The following CDS2 variants were observed in gnomAD, a reference collection of about 807,000 sequenced individuals.
CDS2 encodes the protein phosphatidate cytidylyltransferase 2.
CDS2 carries 47 observed loss-of-function variants against 59.0 expected under a neutral mutation model. That is an observed-to-expected ratio of 0.80 (90% CI 0.63 to 1.02). CDS2 has a LOEUF of 1.02. Among genes scored for constraint, CDS2 ranks in the 50% least tolerant of loss-of-function variants. CDS2 has a pLI of 0.00. For missense variants in CDS2, 356 were observed against 558.9 expected (o/e 0.64, Z 3.66); for synonymous variants, 207 against 206.4 (o/e 1.00, Z -0.02).
chr20:5,186,230 CCTT>C (rs1367400430), intron 9 of CDS2, among the ~76,000 whole-genome samples: 1 of 152,216 alleles, frequency 6.6e-6, no homozygotes, highest in African/African-American at 2.4e-5. Flanking sequence ...GGCCAGTCCT[CCTT>C]CTTCAGCACT....
intron 8 of CDS2, among the ~76,000 whole-genome samples, chr20:5,185,452 G>C (rs1387507750): frequency 6.6e-6 from 1 of 152,168 alleles, no homozygotes; most frequent in South Asian, 2.1e-4. Context: ...TATTTTTACA[G>C]ATTTATATAA....
chr20:5,138,690 T>G (rs78278122), intron 1 of CDS2, among the ~76,000 whole-genome samples: 11,235 of 151,892 alleles, frequency 0.074, 476 homozygotes, highest in Middle Eastern at 0.16. Context: ...TTCACCACAC[T>G]GGCCAGGCTG....
intron 1 of CDS2, among the ~76,000 whole-genome samples, chr20:5,163,791 CTTTT>C (rs397866016): frequency 8.3e-5 from 4 of 47,934 alleles, no homozygotes; most frequent in Admixed American, 1.7e-4. Context: ...TTCTTTCTTT[CTTTT>C]TTTTTTTTTT....
chr20:5,138,446 T>G (rs1318277790), intron 1 of CDS2, among the ~76,000 whole-genome samples: 1 of 152,152 alleles, frequency 6.6e-6, no homozygotes. Context: ...TCTGTTCTAT[T>G]TGTCTGGGTG....
chr20:5,151,552 A>G lies in CDS2; in HGVS notation c.58-21971A>G, dbSNP rs145172601. On this transcript the variant is annotated intron_variant, in intron 1 of 12. Transcript: ENST00000460006. ...GAAGTGGGAGGATTGCTTAAGCCCA[A>G]GAGTTCGAGTCCAGCTTGGTAAGAT... 2.6e-5 allele frequency among the ~76,000 whole-genome samples: 4 copies of G among 152,204 alleles called. No homozygotes were observed. In the East Asian group the frequency reaches 7.7e-4, roughly 29 times the overall value.
chr20:5,170,719 CACTT>C (rs1482906664), intron 1 of CDS2, among the ~76,000 whole-genome samples: 1 of 152,240 alleles, frequency 6.6e-6, no homozygotes, highest in African/African-American at 2.4e-5. Context: ...TGGAGTTACT[CACTT>C]AAAGGTAGCA....
intron 1 of CDS2, among the ~76,000 whole-genome samples, chr20:5,131,092 TA>T (rs1049352468): frequency 0.021 from 2,192 of 105,056 alleles, 30 homozygotes; most frequent in African/African-American, 0.049. Flanking sequence ...GACTCTGTCT[TA>T]AAAAAAAAAA....
At chr20:5,147,729 C>CT (rs1363797514) in intron 1 of CDS2, among the ~76,000 whole-genome samples, 1 of 149,540 alleles carries the variant, frequency 6.7e-6, no homozygotes, top group South Asian at 2.1e-4. Flanking sequence ...TTTTTTCTTT[C>CT]TTTTTTTGTT....
intron 1 of CDS2, among the ~76,000 whole-genome samples, chr20:5,134,525 C>T (rs1349452655): frequency 6.6e-6 from 1 of 151,738 alleles, no homozygotes; most frequent in Non-Finnish European, 1.5e-5. Context: ...TTTTATTTAT[C>T]TATTTATTTT....
rs1379316063 is a variant in CDS2 at position 5,144,838 on chromosome 20, G to A, written c.57+17689G>A. The stretch of plus-strand genomic sequence containing the variant: ...GTTTCCAACTGTGTTGGCTTGATCC[G>A]GTCCTTTCCCCTCTGGCTTGCAGAA... On this transcript the variant is annotated intron_variant, in intron 1 of 12. Transcript: ENST00000460006. Among the ~76,000 whole-genome samples the A allele has an allele frequency of 2.6e-5, 4 of 152,130 alleles. No individual in the cohort carries two copies. The East Asian group carries it at 7.7e-4, about 29-fold the overall frequency.
At chr20:5,161,038 C>T (rs2090873036) in intron 1 of CDS2, among the ~76,000 whole-genome samples, 1 of 152,032 alleles carries the variant, frequency 6.6e-6, no homozygotes, top group Admixed American at 6.5e-5. Context: ...TCTTTGAGTC[C>T]CTGCCCTCAG....
In CDS2 at chr20:5,194,316, G is replaced by C. The variant is rs1600525225; in HGVS notation, c.*4082G>C. The C allele has an allele frequency of 3.3e-5, 5 of 152,402 alleles. No individual in the cohort carries two copies. Among genetic ancestry groups the C allele is most frequent in the African/African-American group, 1.2e-4 (5 of 41,572 alleles). 9.4% of individuals were successfully genotyped at this position (152,402 alleles called of 1,614,324 possible). On this transcript the variant is annotated 3_prime_UTR_variant, in exon 13 of 13. Transcript: ENST00000460006. ...TGCCACAACCTGCATGGGGTGCTAG[G>C]GTTTAAACCAAGTGGTCACGAAGGA...
At position 5,195,011 on chromosome 20, in the gene CDS2, G is replaced by A. The variant is rs2091146131; in HGVS notation, c.*4777G>A. The A allele has an allele frequency of 6.6e-6, 1 of 152,266 alleles. No homozygotes were observed. The highest frequency in any genetic ancestry group is 1.5e-5 in the Non-Finnish European group (1 of 68,086). The allele number at this position is 152,266 out of a possible 1,614,324, so 9.4% of individuals were successfully genotyped here. On this transcript the variant is annotated 3_prime_UTR_variant, in exon 13 of 13. Coordinates refer to ENST00000460006, the MANE Select transcript of CDS2 (RefSeq NM_003818.4). ...GGCAGTATGACTGAGGCCGAGAGCA[G>A]TGGTTAAGACAGACTTTGGGATCAA...
intron 1 of CDS2, among the ~76,000 whole-genome samples, chr20:5,144,264 C>T (rs898917374): frequency 1.3e-5 from 2 of 152,094 alleles, no homozygotes; most frequent in Non-Finnish European, 2.9e-5. Context: ...CTTTAATGAA[C>T]TGTATTATCA....
intron 1 of CDS2, among the ~76,000 whole-genome samples, chr20:5,142,963 C>T (rs1202581393): frequency 6.6e-6 from 1 of 152,116 alleles, no homozygotes; most frequent in Non-Finnish European, 1.5e-5. Context: ...CTGCCTTTGC[C>T]TCCCTAATAG....
At chr20:5,163,779 ATTTCTTTC>A (rs1318962199) in intron 1 of CDS2, among the ~76,000 whole-genome samples, 2 of 145,496 alleles carry the variant, frequency 1.4e-5, no homozygotes, top group South Asian at 4.3e-4. Context: ...GGCTTTCATA[ATTTCTTTC>A]TTTCTTTTTT....
At chr20:5,152,403 C>A (rs1262929874) in intron 1 of CDS2, among the ~76,000 whole-genome samples, 2 of 152,066 alleles carry the variant, frequency 1.3e-5, no homozygotes, top group Non-Finnish European at 2.9e-5. Context: ...GGTGTACTTT[C>A]GTTTCATCTT....
At chr20:5,158,879 G>A (rs1180588406) in intron 1 of CDS2, among the ~76,000 whole-genome samples, 3 of 152,252 alleles carry the variant, frequency 2.0e-5, no homozygotes, top group East Asian at 1.9e-4. Context: ...CTGCTGATAC[G>A]TTAGGGGTTC....
rs1318962199 is a variant in CDS2 at position 5,163,779 on chromosome 20, ATTTC to A, written c.58-9732_58-9729del. On this transcript the variant is annotated intron_variant, in intron 1 of 12. Coordinates refer to ENST00000460006, the MANE Select transcript of CDS2 (RefSeq NM_003818.4). Reference sequence around the variant, plus strand: ...ACTATTTAGCATTGTGGCTTTCATAATTTCTTTCTTTCTTTTTTTTTTTTTTTTT... The same window carrying A: ...ACTATTTAGCATTGTGGCTTTCATAATTTCTTTCTTTTTTTTTTTTTTTTT... Among the ~76,000 whole-genome samples the A allele has an allele frequency of 5.5e-3, 806 of 145,276 alleles. 53 individuals carry two copies. The highest frequency in any genetic ancestry group is 0.018 in the Middle Eastern group (5 of 276).
Sources: allele counts gnomAD v4.1 joint callset (sites outside exome capture counted in the v4.1 genomes callset), GRCh38; gene constraint gnomAD v4.1.1; transcripts MANE v1.5; gene names NCBI Gene and HGNC (gene_info 2026-07-23, HGNC 2026-07-21).